The following NTN1 variants were observed in gnomAD, a reference collection of about 807,000 sequenced individuals.
NTN1 encodes the protein netrin-1.
NTN1 carries 11 observed loss-of-function variants against 54.2 expected under a neutral mutation model. The observed-to-expected ratio is 0.20, with a 90% CI of 0.13 to 0.34. The LOEUF (loss-of-function observed/expected upper bound fraction) is 0.34. NTN1 is among the 10% of genes least tolerant of loss of function. The pLI, the probability that NTN1 is intolerant of heterozygous loss-of-function variation, is 1.00. For missense variants in NTN1, 740 were observed against 893.1 expected (o/e 0.83, Z 2.18); for synonymous variants, 371 against 382.0 (o/e 0.97, Z 0.33).
intron 2 of NTN1, among the ~76,000 whole-genome samples, chr17:9,156,541 T>C (rs980648424): frequency 6.6e-6 from 1 of 152,188 alleles, no homozygotes; most frequent in Non-Finnish European, 1.5e-5. Context: ...GGGGTAGTCC[T>C]GATGGGATTG....
chr17:9,034,712 T>C (rs6503169), intron 2 of NTN1, among the ~76,000 whole-genome samples: 141,511 of 152,148 alleles, frequency 0.93, 65,958 homozygotes, highest in East Asian at 1. Flanking sequence ...GGTGAGCCAC[T>C]GCGCCTGGCC....
At chr17:9,155,687 G>T (rs2092339878) in intron 2 of NTN1, among the ~76,000 whole-genome samples, 2 of 152,336 alleles carry the variant, frequency 1.3e-5, no homozygotes, top group East Asian at 3.9e-4. Flanking sequence ...TTAGAGAACA[G>T]CATTTTAGGC....
intron 2 of NTN1, among the ~76,000 whole-genome samples, chr17:9,145,566 C>T (rs944931750): frequency 6.6e-6 from 1 of 152,166 alleles, no homozygotes; most frequent in Non-Finnish European, 1.5e-5. Context: ...TGAGTCCAGC[C>T]AGGGTCTCGA....
intron 5 of NTN1, among the ~76,000 whole-genome samples, chr17:9,193,932 A>AAAAAACAAAACAAACAAC (rs1904544960): frequency 4.1e-5 from 5 of 122,054 alleles, no homozygotes; most frequent in African/African-American, 1.9e-4. Context: ...AAAAAAAAAA[A>AAAAAACAAAACAAACAAC]AAAAAAAAAA....
upstream of NTN1, among the ~76,000 whole-genome samples, chr17:9,016,777 ACT>A (rs1444863244): frequency 6.6e-6 from 1 of 151,950 alleles, no homozygotes; most frequent in African/African-American, 2.4e-5. Context: ...CCTGGAAAAC[ACT>A]CTCAACTTGA....
intron 5 of NTN1, among the ~76,000 whole-genome samples, chr17:9,207,629 C>T (rs1904999575): frequency 6.6e-6 from 1 of 152,178 alleles, no homozygotes; most frequent in Non-Finnish European, 1.5e-5. Context: ...CCTGCTAGAT[C>T]CTTTCCACTT....
intron 2 of NTN1, among the ~76,000 whole-genome samples, chr17:9,042,364 A>C (rs879339308): frequency 6.6e-6 from 1 of 151,918 alleles, no homozygotes; most frequent in Non-Finnish European, 1.5e-5. Flanking sequence ...GCGCCTCTCT[A>C]GTCTCAGTTC....
In NTN1 at chr17:9,118,286, G is replaced by A. The variant is rs1402033189; in HGVS notation, c.1019-44527G>A. The stretch of plus-strand genomic sequence containing the variant: ...TGTAATCCCAGCACTCTGTGAGGCC[G>A]AGGTGGGTGGATCAACTGAGGTCAG... On this transcript the variant is annotated intron_variant, in intron 2 of 6. Coordinates refer to ENST00000173229, the MANE Select transcript of NTN1 (RefSeq NM_004822.3). Among the ~76,000 whole-genome samples, 8 of 152,164 alleles carry A rather than the reference G, an allele frequency of 5.3e-5. No individual in the cohort carries two copies. The South Asian group carries it at 6.2e-4, about 12-fold the overall frequency.
chr17:9,125,778 C>CT (rs1362206908), intron 2 of NTN1, among the ~76,000 whole-genome samples: 2 of 152,148 alleles, frequency 1.3e-5, no homozygotes, highest in Non-Finnish European at 2.9e-5. Flanking sequence ...GCTCTTTCAT[C>CT]TTTTTTTATA....
intron 5 of NTN1, among the ~76,000 whole-genome samples, chr17:9,207,596 C>T (rs147361173): frequency 6.6e-6 from 1 of 152,284 alleles, no homozygotes; most frequent in East Asian, 1.9e-4. Context: ...GTTCCTTGGT[C>T]GCCTGTCTGC....
At chr17:9,028,927 A>G (rs1265728820) in intron 2 of NTN1, among the ~76,000 whole-genome samples, 1 of 151,890 alleles carries the variant, frequency 6.6e-6, no homozygotes, top group Non-Finnish European at 1.5e-5. Flanking sequence ...ATATTTTGTG[A>G]GCCAATATTT....
intron 2 of NTN1, among the ~76,000 whole-genome samples, chr17:9,099,233 G>C (rs1387944620): frequency 6.6e-6 from 1 of 152,148 alleles, no homozygotes; most frequent in Non-Finnish European, 1.5e-5. Flanking sequence ...TTGAAACCCT[G>C]TCTCTACTAA....
chr17:9,093,460 T>A (rs1337718266), intron 2 of NTN1, among the ~76,000 whole-genome samples: 5 of 152,204 alleles, frequency 3.3e-5, no homozygotes, highest in Non-Finnish European at 7.3e-5. Flanking sequence ...CCTACCAGAC[T>A]CAAGTGATCC....
chr17:9,150,964 C>T (rs773983109), intron 2 of NTN1, among the ~76,000 whole-genome samples: 1 of 152,160 alleles, frequency 6.6e-6, no homozygotes, highest in Non-Finnish European at 1.5e-5. Flanking sequence ...TAATCCTGCC[C>T]GTGGTCCTGA....
intron 3 of NTN1, among the ~76,000 whole-genome samples, chr17:9,167,124 C>T (rs1398653316): frequency 1.3e-5 from 2 of 152,148 alleles, no homozygotes; most frequent in Non-Finnish European, 2.9e-5. Context: ...CTATTCAGTG[C>T]GATTTCACAG....
intron 2 of NTN1, among the ~76,000 whole-genome samples, chr17:9,068,234 T>TAG (rs2092021695): frequency 6.6e-6 from 1 of 152,000 alleles, no homozygotes; most frequent in Non-Finnish European, 1.5e-5. Context: ...CAGGTTGGAG[T>TAG]ACAGTGGTGC....
chr17:9,018,947 G>T (rs550161829), upstream of NTN1, among the ~76,000 whole-genome samples: 3 of 152,314 alleles, frequency 2.0e-5, no homozygotes, highest in East Asian at 5.8e-4. Context: ...GCCCCCACAA[G>T]AAATTCCTAT....
chr17:9,065,669 C>T (rs1265625894), intron 2 of NTN1, among the ~76,000 whole-genome samples: 1 of 152,176 alleles, frequency 6.6e-6, no homozygotes. Context: ...GGGTATAGCC[C>T]GTGAGCTCAG....
At chr17:9,099,396 ACT>A (rs1254518827) in intron 2 of NTN1, among the ~76,000 whole-genome samples, 1 of 152,062 alleles carries the variant, frequency 6.6e-6, no homozygotes, top group East Asian at 1.9e-4. Flanking sequence ...CAAGAGCGAA[ACT>A]CTGTCTAAAA....
Sources: allele counts gnomAD v4.1 joint callset (sites outside exome capture counted in the v4.1 genomes callset), GRCh38; gene constraint gnomAD v4.1.1; transcripts MANE v1.5; gene names NCBI Gene and HGNC (gene_info 2026-07-23, HGNC 2026-07-21).